RUNX3: variants seen among roughly 807,000 people sequenced by gnomAD.
RUNX3 encodes runt-related transcription factor 3.
A neutral mutation model predicts 27.7 loss-of-function variants in RUNX3; 10 were observed. That is an observed-to-expected ratio of 0.36 (90% confidence interval 0.22 to 0.61). The LOEUF (loss-of-function observed/expected upper bound fraction) is 0.61. Ranked by LOEUF, RUNX3 falls within the 20% of genes least tolerant of loss-of-function variation. The probability of loss-of-function intolerance (pLI) is 0.72; values close to 1 mark genes in which losing one functional copy is unlikely to be tolerated. For synonymous variants in RUNX3, 270 were observed against 269.2 expected (o/e 1.00, Z -0.03); for missense variants, 469 against 629.5 (o/e 0.75, Z 2.73).
rs1216577800 is a variant in RUNX3 at position 24,923,698 on chromosome 1, G to C, written c.439+3876C>G. Among the ~76,000 whole-genome samples the C allele has an allele frequency of 6.6e-6, 1 of 152,094 alleles. No individual in the cohort carries two copies. Among genetic ancestry groups the C allele is most frequent in the Non-Finnish European group, 1.5e-5 (1 of 67,998 alleles). On this transcript the variant is annotated intron_variant, in intron 2 of 4. Coordinates refer to ENST00000308873, the MANE Select transcript of RUNX3 (RefSeq NM_004350.3). This position sits in a 1 kb window ranked among gnomAD's most constrained non-coding sequence, Gnocchi z 5.9. Reference sequence around the variant, plus strand: ...ACAGGAGCTGCATGGGTGGGGGGAGGGGACGTGTCTCAGTCTCAGGGGACC... The same window carrying C: ...ACAGGAGCTGCATGGGTGGGGGGAGCGGACGTGTCTCAGTCTCAGGGGACC...
At chr1:24,920,953 G>T (rs1218593131) in intron 2 of RUNX3, among the ~76,000 whole-genome samples, 1 of 152,092 alleles carries the variant, frequency 6.6e-6, no homozygotes, top group Non-Finnish European at 1.5e-5. Context: ...GGGAGCGGGG[G>T]AGATTTGCGG....
At chr1:24,921,067 GTACC>G (rs1640990425) in intron 2 of RUNX3, among the ~76,000 whole-genome samples, 1 of 152,154 alleles carries the variant, frequency 6.6e-6, no homozygotes, top group Admixed American at 6.5e-5. Context: ...ACTCTCACCT[GTACC>G]CCAGGGCTGG....
chr1:24,935,402 C>T (rs766125423), intron 2 of RUNX3, among the ~76,000 whole-genome samples: 14 of 152,206 alleles, frequency 9.2e-5, no homozygotes, highest in African/African-American at 1.4e-4. Flanking sequence ...CTCCACCTCC[C>T]GCGGGGCGCC....
chr1:24,960,802 A>C (rs925635915), intron 2 of RUNX3, among the ~76,000 whole-genome samples: 2 of 152,116 alleles, frequency 1.3e-5, no homozygotes, highest in African/African-American at 4.8e-5. Context: ...CAGACGGGGA[A>C]ACTGAGGCCC....
intron 2 of RUNX3, among the ~76,000 whole-genome samples, chr1:24,952,361 G>A (rs911884192): frequency 3.3e-5 from 5 of 152,160 alleles, no homozygotes; most frequent in African/African-American, 1.2e-4. Context: ...AAACAGTTGA[G>A]CATACACTAT....
intron 2 of RUNX3, among the ~76,000 whole-genome samples, chr1:24,955,679 C>A (rs1182268205): frequency 6.6e-6 from 1 of 152,134 alleles, no homozygotes; most frequent in Non-Finnish European, 1.5e-5. Flanking sequence ...CCCTGGCTGT[C>A]GGGGTTCAGG....
chr1:24,939,228 A>G (rs1641418251), intron 2 of RUNX3, among the ~76,000 whole-genome samples: 1 of 152,152 alleles, frequency 6.6e-6, no homozygotes, highest in Non-Finnish European at 1.5e-5. Flanking sequence ...TCTATACCCT[A>G]CATGTGTGCA....
chr1:24,948,805 G>T (rs1354703781), intron 2 of RUNX3, among the ~76,000 whole-genome samples: 1 of 152,008 alleles, frequency 6.6e-6, no homozygotes, highest in Non-Finnish European at 1.5e-5. Flanking sequence ...GAGGCCACAG[G>T]GCTCAAATGC....
Position 24,953,402 on chromosome 1 carries a change from G to GAA in RUNX3, c.58+11110_58+11111dup, listed in dbSNP as rs553316885. Among the ~76,000 whole-genome samples the GAA allele has an allele frequency of 7.4e-3, 518 of 70,434 alleles. 7 individuals carry two copies. Among genetic ancestry groups the GAA allele is most frequent in the African/African-American group, 0.025 (483 of 19,092 alleles). 46.2% of individuals were successfully genotyped at this position (70,434 alleles called of 152,430 possible). A position where few individuals can be genotyped will look rare whatever the true frequency, so the allele number is the denominator to read the frequency against. On this transcript the variant is annotated intron_variant, in intron 2 of 6. Coordinates refer to the RUNX3 transcript ENST00000338888. The stretch of plus-strand genomic sequence containing the variant: ...AAAGAAAAGAAAAGAAAAGAAAAAT[G>GAA]AAAAAAAAAAAAAAACAGATCTGCA...
intron 2 of RUNX3, among the ~76,000 whole-genome samples, chr1:24,942,718 A>T (rs1041057378): frequency 6.6e-6 from 1 of 152,138 alleles, no homozygotes; most frequent in African/African-American, 2.4e-5. Flanking sequence ...TTCTCCCACA[A>T]CAGCCCTGAG....
Position 24,902,899 on chromosome 1 carries a change from GC to G in RUNX3, c.704-234del, listed in dbSNP as rs34296216. Among the ~76,000 whole-genome samples the G allele has an allele frequency of 6.6e-6, 1 of 152,212 alleles. No homozygotes were observed. The highest frequency in any genetic ancestry group is 1.5e-5 in the Non-Finnish European group (1 of 67,986). ...CCCCGGGCCAAGAGGGGCCATGGGA[GC>G]CCCCCCACAGCAGCAACAGAACAGA... On this transcript the variant is annotated intron_variant, in intron 4 of 4. Coordinates refer to ENST00000308873, the MANE Select transcript of RUNX3 (RefSeq NM_004350.3). This position sits in a 1 kb window ranked among gnomAD's most constrained non-coding sequence, Gnocchi z 9.2.
At chr1:24,954,625 G>T (rs1641866540) in intron 2 of RUNX3, among the ~76,000 whole-genome samples, 1 of 152,212 alleles carries the variant, frequency 6.6e-6, no homozygotes, top group Admixed American at 6.5e-5. Flanking sequence ...GCCGTCACTA[G>T]CCCTGGGATT....
intron 2 of RUNX3, among the ~76,000 whole-genome samples, chr1:24,949,665 G>C (rs538614406): frequency 6.6e-6 from 1 of 152,386 alleles, no homozygotes; most frequent in South Asian, 2.1e-4. Context: ...TCCCCGTGAT[G>C]TGTGTGAAAG....
At chr1:24,937,784 T>TG (rs1429266767) in intron 2 of RUNX3, among the ~76,000 whole-genome samples, 1 of 152,234 alleles carries the variant, frequency 6.6e-6, no homozygotes, top group African/African-American at 2.4e-5. Context: ...ACAGTGGACC[T>TG]GGGCCTGGAT....
intron 3 of RUNX3, among the ~76,000 whole-genome samples, 188 bp from the exon 4 acceptor site, chr1:24,907,605 T>G (rs115572852): frequency 0.013 from 1,941 of 152,292 alleles, 33 homozygotes; most frequent in African/African-American, 0.035. Context: ...ATGGTCGTTA[T>G]GTGCCACCCC....
chr1:24,911,017 G>A (rs1341321442), intron 3 of RUNX3, among the ~76,000 whole-genome samples: 2 of 152,232 alleles, frequency 1.3e-5, no homozygotes, highest in Admixed American at 6.5e-5. Flanking sequence ...GCCCAGTACG[G>A]CCAGAGCTTC....
In RUNX3 at chr1:24,953,652, T is replaced by C. The variant is rs148871211; in HGVS notation, c.58+10862A>G. 3.2e-3 allele frequency among the ~76,000 whole-genome samples: 483 copies of C among 152,272 alleles called. 3 individuals are homozygous for C. The highest frequency in any genetic ancestry group is 0.011 in the African/African-American group (447 of 41,560). On this transcript the variant is annotated intron_variant, in intron 2 of 6. Transcript: ENST00000338888. ...TCCTACGGGACGGTGCCGTTCTAGATTCTTCTTAGACATATCCTAACACCT... is the reference window on the plus strand; with the variant it reads ...TCCTACGGGACGGTGCCGTTCTAGACTCTTCTTAGACATATCCTAACACCT...
At chr1:24,942,115 T>G (rs749172256) in intron 2 of RUNX3, among the ~76,000 whole-genome samples, 1 of 152,210 alleles carries the variant, frequency 6.6e-6, no homozygotes, top group South Asian at 2.1e-4. Flanking sequence ...CCTGCCCCCA[T>G]CCGTGTCCTC....
chr1:24,939,051 G>A (rs1641414030), intron 2 of RUNX3, among the ~76,000 whole-genome samples: 1 of 152,184 alleles, frequency 6.6e-6, no homozygotes, highest in South Asian at 2.1e-4. Flanking sequence ...GGCTGTGTCA[G>A]TGTTTCCGTA....
Sources: allele counts gnomAD v4.1 joint callset (sites outside exome capture counted in the v4.1 genomes callset), GRCh38; gene constraint gnomAD v4.1.1; non-coding constraint Gnocchi (gnomAD v3.1); transcripts MANE v1.5; gene names NCBI Gene and HGNC (gene_info 2026-07-23, HGNC 2026-07-21).